Variants in CTDSPL2 observed in about 807,000 individuals in gnomAD.
CTDSPL2 encodes CTD small phosphatase-like protein 2.
Under a neutral mutation model 60.0 loss-of-function variants are expected in CTDSPL2, and 5 were observed. That is an observed-to-expected ratio of 0.08 (90% CI 0.04 to 0.18). The LOEUF (loss-of-function observed/expected upper bound fraction) is 0.18. Among genes scored for constraint, CTDSPL2 ranks in the 10% least tolerant of loss-of-function variants. The pLI is 1.00. For synonymous variants in CTDSPL2, 186 were observed against 189.3 expected, an observed-to-expected ratio of 0.98 and a Z score of 0.14; for missense variants, 370 against 548.8, an observed-to-expected ratio of 0.67 and a Z score of 3.26.
At chr15:44,431,892 T>C (rs1198644816) in intron 1 of CTDSPL2, among the ~76,000 whole-genome samples, 3 of 151,370 alleles carry the variant, frequency 2.0e-5, no homozygotes, top group African/African-American at 7.3e-5. Context: ...TAACTTTGTA[T>C]TTTTTTTCTT....
chr15:44,431,623 CAAAT>C (rs2079858223), intron 1 of CTDSPL2, among the ~76,000 whole-genome samples: 1 of 151,528 alleles, frequency 6.6e-6, no homozygotes, highest in Admixed American at 6.6e-5. Flanking sequence ...GATTGACTAT[CAAAT>C]AAGCTTATTG....
chr15:44,429,107 T>C (rs942302236), intron 1 of CTDSPL2, among the ~76,000 whole-genome samples: 1 of 152,230 alleles, frequency 6.6e-6, no homozygotes, highest in African/African-American at 2.4e-5. Context: ...AATTTCACTA[T>C]TGTTTGCACG....
rs759411875 is a variant in CTDSPL2, at chr15:44,484,208, T to TC, written c.187-15dup. On this transcript the variant is annotated splice_polypyrimidine_tract_variant and intron_variant, in intron 2 of 12. Transcript: ENST00000260327. ...TGATTGTGCTTAGTGTGTTTTTTTT[T>TC]CTCTTATATCTTAAGGAAGAGAGAG... 19 of 1,583,942 alleles carry TC rather than the reference T, an allele frequency of 1.2e-5. No homozygotes were observed. The highest frequency in any genetic ancestry group is 3.5e-5 in the South Asian group (3 of 86,684).
chr15:44,507,018 C>T (rs185698719), intron 8 of CTDSPL2, among the ~76,000 whole-genome samples: 4 of 151,966 alleles, frequency 2.6e-5, no homozygotes, highest in Non-Finnish European at 4.4e-5. Context: ...CCGCCCACCT[C>T]GGCCTCCCAA....
intron 1 of CTDSPL2, among the ~76,000 whole-genome samples, chr15:44,456,888 C>CTTTTTTG (rs2080458370): frequency 2.3e-5 from 2 of 86,350 alleles, no homozygotes; most frequent in East Asian, 2.9e-4. Flanking sequence ...GTTTTTTTTT[C>CTTTTTTG]TTTTTTTTGA....
intron 2 of CTDSPL2, among the ~76,000 whole-genome samples, chr15:44,471,647 C>T (rs1414336181): frequency 2.0e-5 from 3 of 152,064 alleles, no homozygotes; most frequent in East Asian, 1.9e-4. Flanking sequence ...ATAGTAGTAT[C>T]GTTCATTCAT....
intron 1 of CTDSPL2, among the ~76,000 whole-genome samples, chr15:44,443,044 G>A (rs74651313): frequency 0.018 from 2,720 of 151,916 alleles, 96 homozygotes; most frequent in East Asian, 0.13. Context: ...GGAAACCTTT[G>A]GATTAGATGA....
At chr15:44,490,450 G>A (rs956703166) in intron 4 of CTDSPL2, among the ~76,000 whole-genome samples, 2 of 152,084 alleles carry the variant, frequency 1.3e-5, no homozygotes, top group African/African-American at 2.4e-5. Context: ...TTATTGAGAT[G>A]GAGTTTTGCT....
intron 1 of CTDSPL2, 85 bp downstream of exon 1, chr15:44,427,857 C>A (rs1406381809): frequency 2.5e-6 from 1 of 395,176 alleles, no homozygotes; most frequent in Non-Finnish European, 4.5e-6. Flanking sequence ...ATCTCCTCCC[C>A]TTCTAAACCT....
chr15:44,442,616 C>T (rs916716869), intron 1 of CTDSPL2, among the ~76,000 whole-genome samples: 2 of 151,742 alleles, frequency 1.3e-5, no homozygotes, highest in Admixed American at 1.3e-4. Context: ...TTACTTGGTC[C>T]CTTTTTCTGT....
chr15:44,527,827 C>G lies in CTDSPL2; in HGVS notation c.*3653C>G, dbSNP rs930171528. 1 of 152,174 alleles carries G rather than the reference C, an allele frequency of 6.6e-6. No homozygotes were observed. 9.4% of individuals were successfully genotyped at this position (152,174 alleles called of 1,614,324 possible). On this transcript the variant is annotated 3_prime_UTR_variant, in exon 13 of 13. Transcript: ENST00000260327. ...GCCAAAAGGCCTTAGGGTTGTCATT[C>G]ATTGACTTTCTTATTCCTCTCATGA...
chr15:44,525,406 T>C lies in CTDSPL2; in HGVS notation c.*1232T>C. ...CCACAAGAGGTTGATATTTTTATAG[T>C]GGCGTGTAATCTCCTTTTCGGGAGG... On this transcript the variant is annotated 3_prime_UTR_variant, in exon 13 of 13. Coordinates refer to ENST00000260327, the MANE Select transcript of CTDSPL2 (RefSeq NM_016396.3). 3 of 398,924 alleles carry C rather than the reference T, an allele frequency of 7.5e-6. No homozygotes were observed. The allele number at this position is 398,924 out of a possible 1,614,324, so 24.7% of individuals were successfully genotyped here. A position where few individuals can be genotyped will look rare whatever the true frequency, so the allele number is the denominator to read the frequency against.
intron 12 of CTDSPL2, among the ~76,000 whole-genome samples, chr15:44,522,643 C>G (rs2081801191): frequency 1.3e-5 from 2 of 152,068 alleles, no homozygotes; most frequent in Non-Finnish European, 2.9e-5. Context: ...ATCCCAGCTA[C>G]TCTAGAGGCT....
At chr15:44,503,148 CG>C (rs1335156955) in intron 8 of CTDSPL2, among the ~76,000 whole-genome samples, 1 of 151,746 alleles carries the variant, frequency 6.6e-6, no homozygotes, top group African/African-American at 2.4e-5. Context: ...ACTTGTTAAA[CG>C]TGAGGAAATG....
chr15:44,510,172 A>G (rs2081541911), intron 8 of CTDSPL2, among the ~76,000 whole-genome samples: 1 of 151,782 alleles, frequency 6.6e-6, no homozygotes, highest in South Asian at 2.1e-4. Context: ...ATTTAGTAGT[A>G]TATTTAGTAG....
chr15:44,467,132 A>G (rs1405552399), intron 2 of CTDSPL2, among the ~76,000 whole-genome samples: 1 of 152,188 alleles, frequency 6.6e-6, no homozygotes, highest in Non-Finnish European at 1.5e-5. Flanking sequence ...ATGGCACATG[A>G]TTCTATTGCC....
At chr15:44,484,927 C>A (rs2140786389) in intron 3 of CTDSPL2, among the ~76,000 whole-genome samples, 1 of 152,270 alleles carries the variant, frequency 6.6e-6, no homozygotes, top group Non-Finnish European at 1.5e-5. Flanking sequence ...TTTTGAACAT[C>A]TAAATAAACT....
intron 2 of CTDSPL2, among the ~76,000 whole-genome samples, chr15:44,479,816 C>G (rs1049644727): frequency 6.6e-6 from 1 of 152,134 alleles, no homozygotes; most frequent in African/African-American, 2.4e-5. Context: ...TTCTGCTCCA[C>G]GTGTGTTTCA....
chr15:44,461,380 A>G (rs2080565408), intron 2 of CTDSPL2, among the ~76,000 whole-genome samples: 1 of 152,046 alleles, frequency 6.6e-6, no homozygotes, highest in Non-Finnish European at 1.5e-5. Flanking sequence ...TGTTATGTGT[A>G]TTCTATACTG....
Sources: allele counts gnomAD v4.1 joint callset (sites outside exome capture counted in the v4.1 genomes callset), GRCh38; gene constraint gnomAD v4.1.1; transcripts MANE v1.5; gene names NCBI Gene and HGNC (gene_info 2026-07-23, HGNC 2026-07-21).